MGAT4C: variants seen among roughly 807,000 people sequenced by gnomAD.
The protein encoded by MGAT4C is MGAT4 family member C, also known as alpha-1,3-mannosyl-glycoprotein 4-beta-N-acetylglucosaminyltransferase C.
MGAT4C carries 19 observed loss-of-function variants against 40.1 expected under a neutral mutation model. That is an observed-to-expected ratio of 0.47 (90% CI 0.33 to 0.70). The LOEUF (loss-of-function observed/expected upper bound fraction) is 0.70, where lower values mean the gene tolerates loss of function less well. MGAT4C is among the 30% of genes least tolerant of loss of function. The pLI is 0.02. For synonymous variants in MGAT4C, 181 were observed against 187.1 expected (o/e 0.97, Z 0.27); for missense variants, 491 against 563.2 (o/e 0.87, Z 1.30).
At chr12:86,414,240 A>T (rs957388684) in intron 3 of MGAT4C, among the ~76,000 whole-genome samples, 2 of 152,192 alleles carry the variant, frequency 1.3e-5, no homozygotes, top group Admixed American at 6.5e-5. Context: ...TGAAGAAAAA[A>T]ATACAGAAAC....
At chr12:86,306,073 A>G (rs1378607402) in intron 4 of MGAT4C, among the ~76,000 whole-genome samples, 1 of 150,602 alleles carries the variant, frequency 6.6e-6, no homozygotes, top group Non-Finnish European at 1.5e-5. Flanking sequence ...TTGATTAGGT[A>G]AGAAAGTCTA....
At chr12:86,274,687 T>C (rs1953026062) in intron 4 of MGAT4C, among the ~76,000 whole-genome samples, 1 of 152,158 alleles carries the variant, frequency 6.6e-6, no homozygotes, top group African/African-American at 2.4e-5. Context: ...TAGTATTTAA[T>C]AGAAGAATAT....
At chr12:86,423,066 A>C (rs1444923679) in intron 3 of MGAT4C, among the ~76,000 whole-genome samples, 1 of 152,168 alleles carries the variant, frequency 6.6e-6, no homozygotes, top group Non-Finnish European at 1.5e-5. Context: ...ATGCAAGTAG[A>C]ATTAGAAAAT....
intron 1 of MGAT4C, among the ~76,000 whole-genome samples, chr12:86,136,343 A>G (rs1373700343): frequency 6.6e-6 from 1 of 152,194 alleles, no homozygotes; most frequent in Non-Finnish European, 1.5e-5. Flanking sequence ...CCATGAATAT[A>G]TAATAAAATG....
intron 1 of MGAT4C, among the ~76,000 whole-genome samples, chr12:86,188,935 T>A (rs1228595679): frequency 6.6e-6 from 1 of 151,966 alleles, no homozygotes; most frequent in African/African-American, 2.4e-5. Context: ...TGCCTTTAAG[T>A]CAATCATAAA....
chr12:86,137,501 T>C (rs1387029626), intron 1 of MGAT4C, among the ~76,000 whole-genome samples: 1 of 152,204 alleles, frequency 6.6e-6, no homozygotes, highest in Non-Finnish European at 1.5e-5. Flanking sequence ...AAGCTCCTTA[T>C]AAAACATTAC....
chr12:86,128,563 G>A (rs1241042769), intron 1 of MGAT4C, among the ~76,000 whole-genome samples: 2 of 152,056 alleles, frequency 1.3e-5, no homozygotes, highest in African/African-American at 4.8e-5. Context: ...CCCAGTCACG[G>A]GTATGTCTTT....
At chr12:86,758,073 G>T (rs977744922) in intron 1 of MGAT4C, among the ~76,000 whole-genome samples, 1 of 152,044 alleles carries the variant, frequency 6.6e-6, no homozygotes, top group Non-Finnish European at 1.5e-5. Flanking sequence ...CACAATCCAT[G>T]GGACACTTTA....
chr12:86,784,157 C>T (rs1462429681), intron 1 of MGAT4C, among the ~76,000 whole-genome samples: 1 of 152,076 alleles, frequency 6.6e-6, no homozygotes, highest in East Asian at 1.9e-4. Flanking sequence ...TGCTATCGTT[C>T]CCCTAGTACG....
At chr12:86,438,360 G>A (rs772223988) in intron 2 of MGAT4C, among the ~76,000 whole-genome samples, 5 of 151,876 alleles carry the variant, frequency 3.3e-5, no homozygotes, top group Non-Finnish European at 5.9e-5. Flanking sequence ...GCAGAGGTTC[G>A]TTTATGATAT....
chr12:86,120,473 A>G (rs531890986), intron 1 of MGAT4C, among the ~76,000 whole-genome samples: 4 of 152,168 alleles, frequency 2.6e-5, no homozygotes, highest in Non-Finnish European at 5.9e-5. Flanking sequence ...GAGTAGTCTA[A>G]CTGGGAGACA....
intron 4 of MGAT4C, among the ~76,000 whole-genome samples, chr12:86,267,933 C>G (rs939205207): frequency 1.3e-5 from 2 of 152,030 alleles, no homozygotes; most frequent in African/African-American, 4.8e-5. Flanking sequence ...CAAAATATGA[C>G]TAACATAGTG....
intron 2 of MGAT4C, among the ~76,000 whole-genome samples, chr12:86,565,902 T>A (rs928679755): frequency 1.3e-5 from 2 of 152,102 alleles, no homozygotes; most frequent in South Asian, 2.1e-4. Flanking sequence ...AGGTTACTCA[T>A]GGGGTCAGCA....
intron 4 of MGAT4C, among the ~76,000 whole-genome samples, chr12:86,326,296 TCACACACACACACACACA>T (rs3047013): frequency 1.4e-5 from 2 of 140,756 alleles, no homozygotes; most frequent in East Asian, 2.1e-4. Context: ...AGTATTCTCA[TCACACACACACACACACA>T]CACACACACA....
At chr12:86,195,533 C>T (rs1478564649) in intron 1 of MGAT4C, among the ~76,000 whole-genome samples, 4 of 152,036 alleles carry the variant, frequency 2.6e-5, no homozygotes, top group Admixed American at 2.0e-4. Context: ...ATAACACATG[C>T]TTGAAAATGA....
At chr12:86,162,011 G>T (rs571362518) in intron 1 of MGAT4C, among the ~76,000 whole-genome samples, 1 of 152,248 alleles carries the variant, frequency 6.6e-6, no homozygotes, top group East Asian at 1.9e-4. Context: ...TGCTGGTGAG[G>T]CTGCAGAGTA....
intron 2 of MGAT4C, among the ~76,000 whole-genome samples, chr12:86,465,941 G>T (rs944411939): frequency 2.3e-4 from 35 of 152,142 alleles, no homozygotes; most frequent in African/African-American, 8.0e-4. Flanking sequence ...GGGAGTGGTG[G>T]CTCATGCTTG....
At chr12:86,501,551 G>A (rs1038658860) in intron 2 of MGAT4C, among the ~76,000 whole-genome samples, 1 of 127,890 alleles carries the variant, frequency 7.8e-6, no homozygotes, top group Non-Finnish European at 1.5e-5. Context: ...ATGTCCATGT[G>A]TTCTCACTGT....
At chr12:86,108,066 T>C (rs1215477096) in intron 1 of MGAT4C, among the ~76,000 whole-genome samples, 1 of 152,084 alleles carries the variant, frequency 6.6e-6, no homozygotes, top group African/African-American at 2.4e-5. Flanking sequence ...ACATCTCAGC[T>C]GGAGAATTGG....
Sources: gnomAD v4.1 joint callset for allele counts (sites outside exome capture counted in the v4.1 genomes callset) on GRCh38, gnomAD v4.1.1 for gene constraint, MANE v1.5 for transcripts, NCBI Gene and HGNC (gene_info 2026-07-23, HGNC 2026-07-21) for gene names.